The following ALDH1A1 variants were observed in gnomAD, a reference collection of about 807,000 sequenced individuals.
The protein encoded by ALDH1A1 is aldehyde dehydrogenase 1A1.
Under a neutral mutation model 62.1 loss-of-function variants are expected in ALDH1A1, and 19 were observed. The ratio of observed to expected loss-of-function variants is 0.31; its 90% CI spans 0.21 to 0.45. The LOEUF is 0.45. Ranked by LOEUF, ALDH1A1 falls within the 20% of genes least tolerant of loss-of-function variation. The probability of loss-of-function intolerance (pLI) is 1.00; values close to 1 mark genes in which losing one functional copy is unlikely to be tolerated. For missense variants in ALDH1A1, 521 were observed against 607.1 expected (o/e 0.86, Z 1.49); for synonymous variants, 231 against 215.9 (o/e 1.07, Z -0.61).
rs1279050290 is a variant in ALDH1A1 at position 72,940,246 on chromosome 9, T to C, written c.73A>G (p.Ile25Val). 2.5e-6 allele frequency: 4 copies of C among 1,612,134 alleles called. No individual in the cohort carries two copies. The highest frequency in any genetic ancestry group is 2.7e-5 in the African/African-American group (2 of 74,884). ...ACTGAATCATGCCATTCATTGTTTA[T>C]GAAGATCTGTAGAGATGAAGAGAAA... ...DLKIQYTKIF[I>V]NNEWHDSVSG... Residue 25 changes from isoleucine (I) to valine (V), a missense_variant, in exon 2 of 13, where the codon ATA becomes GTA. Coordinates refer to ENST00000297785, the MANE Select transcript of ALDH1A1 (RefSeq NM_000689.5).
chr9:72,905,895 C>A, intron 12 of ALDH1A1, 63 bp downstream of exon 12: 3 of 1,356,580 alleles, frequency 2.2e-6, no homozygotes, highest in Non-Finnish European at 3.1e-6. Flanking sequence ...TGAGTTAATT[C>A]CCTGGGAATG....
chr9:72,922,817 A>T (rs1380010217), intron 7 of ALDH1A1, among the ~76,000 whole-genome samples: 1 of 152,200 alleles, frequency 6.6e-6, no homozygotes. Context: ...TTCTGTCTAC[A>T]ATAAATCTTG....
At position 72,925,526 on chromosome 9, in the gene ALDH1A1, T is replaced by C. The variant is rs1211246080; in HGVS notation, c.591A>G (p.Gln197=). ...GNTVVVKPAE[Q]TPLTALHVAS... is the part of the protein sequence containing the mutation. ...CCACGTGGAGAGCAGTGAGAGGAGT[T>C]TGCTCTGCTGGTTTGACAACCACTG... The change falls in exon 6 of 13, where the codon CAA becomes CAG. Residue 197 remains glutamine, a synonymous_variant. Transcript: ENST00000297785. 6.8e-6 allele frequency: 11 copies of C among 1,613,934 alleles called. No individual in the cohort carries two copies. In the Admixed American group the frequency reaches 1.8e-4, roughly 27 times the overall value.
intron 1 of ALDH1A1, among the ~76,000 whole-genome samples, chr9:72,945,762 T>A (rs974599664): frequency 2.0e-5 from 3 of 151,846 alleles, no homozygotes; most frequent in African/African-American, 7.3e-5. Context: ...ACCCTAACCC[T>A]GAGGCAGGAA....
chr9:72,950,861 A>C (rs565512536), intron 1 of ALDH1A1, among the ~76,000 whole-genome samples: 1 of 150,654 alleles, frequency 6.6e-6, no homozygotes, highest in African/African-American at 2.4e-5. Context: ...AATAACCATC[A>C]TTTTTTTTTT....
chr9:72,940,783 G>A (rs1379231624), intron 1 of ALDH1A1, among the ~76,000 whole-genome samples: 3 of 152,116 alleles, frequency 2.0e-5, no homozygotes, highest in Non-Finnish European at 4.4e-5. Context: ...AAAAGCATAT[G>A]GTTTTATTCT....
At chr9:72,916,221 C>T (rs1402302786) in intron 9 of ALDH1A1, among the ~76,000 whole-genome samples, 1 of 152,080 alleles carries the variant, frequency 6.6e-6, no homozygotes, top group Non-Finnish European at 1.5e-5. Flanking sequence ...AGAATCACTG[C>T]TCTAGAACAA....
At chr9:72,908,434 CAAAAAAAAAAA>C (rs386415096) in intron 11 of ALDH1A1, among the ~76,000 whole-genome samples, 3 of 2,488 alleles carry the variant, frequency 1.2e-3, no homozygotes, top group Non-Finnish European at 1.4e-3. Context: ...GACTCCAGCT[CAAAAAAAAAAA>C]AAAAAAAAAA....
intron 12 of ALDH1A1, among the ~76,000 whole-genome samples, chr9:72,905,479 T>A (rs1829866940): frequency 6.6e-6 from 1 of 152,246 alleles, no homozygotes; most frequent in East Asian, 1.9e-4. Context: ...AAAGTCTACA[T>A]CAATAATATC....
chr9:72,908,432 C>T (rs548666428), intron 11 of ALDH1A1, among the ~76,000 whole-genome samples: 25 of 1,992 alleles, frequency 0.013, no homozygotes, highest in Non-Finnish European at 0.025. Context: ...GAGACTCCAG[C>T]TCAAAAAAAA....
intron 10 of ALDH1A1, among the ~76,000 whole-genome samples, chr9:72,911,277 A>G (rs912067432): frequency 1.6e-4 from 25 of 152,182 alleles, no homozygotes; most frequent in African/African-American, 6.0e-4. Context: ...GCTGTTTTCA[A>G]ATACATGGAT....
chr9:72,912,856 G>T (rs1272030151), intron 9 of ALDH1A1, among the ~76,000 whole-genome samples: 1 of 152,128 alleles, frequency 6.6e-6, no homozygotes, highest in African/African-American at 2.4e-5. Flanking sequence ...TTGGAGTTCT[G>T]GTTGTGAACA....
chr9:72,934,687 G>T (rs1359157887), intron 2 of ALDH1A1, among the ~76,000 whole-genome samples: 1 of 152,104 alleles, frequency 6.6e-6, no homozygotes, highest in Non-Finnish European at 1.5e-5. Context: ...TGCCAGACTA[G>T]TCCAGCTTGA....
intron 8 of ALDH1A1, 113 bp from the exon 9 acceptor site, chr9:72,917,217 T>C: frequency 1.2e-6 from 1 of 812,528 alleles, no homozygotes; most frequent in East Asian, 3.5e-5. Flanking sequence ...TAGTCAGACA[T>C]GGGCTCAGTA....
chr9:72,929,383 T>A (rs722921), intron 3 of ALDH1A1, among the ~76,000 whole-genome samples: 62,806 of 152,118 alleles, frequency 0.41, 14,605 homozygotes, highest in Non-Finnish European at 0.5. Flanking sequence ...TCTCTTATTT[T>A]GTAATCAACT....
chr9:72,923,117 C>G (rs1830162716), intron 7 of ALDH1A1, among the ~76,000 whole-genome samples: 1 of 152,098 alleles, frequency 6.6e-6, no homozygotes, highest in African/African-American at 2.4e-5. Context: ...GTAACAATTC[C>G]TCAAAACCCA....
Position 72,925,464 on chromosome 9 carries a change from T to G in ALDH1A1, c.633+20A>C. On this transcript the variant is annotated intron_variant, in intron 6 of 12. Coordinates refer to ENST00000297785, the MANE Select transcript of ALDH1A1 (RefSeq NM_000689.5). The stretch of plus-strand genomic sequence containing the variant: ...AGGATTCTTGAGTTCTTGAGCATAT[T>G]TTGATTTCGGGAGACTTACCTCTTT... 6.2e-7 allele frequency: 1 copy of G among 1,610,922 alleles called. No homozygotes were observed. The highest frequency in any genetic ancestry group is 8.5e-7 in the Non-Finnish European group (1 of 1,178,842).
At chr9:72,914,493 C>A (rs980086841) in intron 9 of ALDH1A1, among the ~76,000 whole-genome samples, 3 of 152,136 alleles carry the variant, frequency 2.0e-5, no homozygotes, top group Non-Finnish European at 4.4e-5. Context: ...GATTTTAAAT[C>A]CAGTTTAAAT....
intron 1 of ALDH1A1, 85 bp downstream of exon 1, chr9:72,952,850 G>A (rs1830558727): frequency 6.7e-7 from 1 of 1,488,376 alleles, no homozygotes; most frequent in East Asian, 2.4e-5. Context: ...CTTTACACAA[G>A]TTTACTTAAA....
Sources: gnomAD v4.1 joint callset for allele counts (sites outside exome capture counted in the v4.1 genomes callset) on GRCh38, gnomAD v4.1.1 for gene constraint, MANE v1.5 for transcripts, NCBI Gene and HGNC (gene_info 2026-07-23, HGNC 2026-07-21) for gene names.